Variants in RIT2 observed in about 807,000 individuals in gnomAD.
The protein encoded by RIT2 is Ras like without CAAX 2.
A neutral mutation model predicts 23.7 loss-of-function variants in RIT2; 24 were observed. The observed-to-expected ratio is 1.01, with a 90% CI of 0.73 to 1.43. RIT2 has a LOEUF of 1.43. RIT2 is among the 40% of genes most tolerant of loss of function. The pLI, the probability that RIT2 is intolerant of heterozygous loss-of-function variation, is 0.00. For synonymous variants in RIT2, 107 were observed against 91.1 expected, an observed-to-expected ratio of 1.17 and a Z score of -0.99; for missense variants, 236 against 266.9, an observed-to-expected ratio of 0.88 and a Z score of 0.81.
chr18:42,783,718 C>T (rs191386541), intron 4 of RIT2, among the ~76,000 whole-genome samples: 3 of 151,974 alleles, frequency 2.0e-5, no homozygotes, highest in Non-Finnish European at 2.9e-5. Flanking sequence ...TTTAATAGCT[C>T]ATTTTCCCTG....
intron 1 of RIT2, among the ~76,000 whole-genome samples, chr18:43,089,802 T>G (rs142301881): frequency 0.011 from 1,729 of 152,136 alleles, 38 homozygotes; most frequent in African/African-American, 0.038. Flanking sequence ...GATTCCCTAC[T>G]CAATAAATAA....
chr18:42,967,624 C>T (rs1910266276), intron 3 of RIT2, among the ~76,000 whole-genome samples: 1 of 146,602 alleles, frequency 6.8e-6, no homozygotes. Flanking sequence ...ATCTGCTGAC[C>T]TCGTGATCCG....
At chr18:42,922,285 T>A (rs917118883) in intron 4 of RIT2, among the ~76,000 whole-genome samples, 2 of 152,138 alleles carry the variant, frequency 1.3e-5, no homozygotes, top group African/African-American at 4.8e-5. Context: ...ATATTTATAA[T>A]ACCCTTAAGA....
chr18:43,032,035 T>C (rs1010054262), intron 2 of RIT2, among the ~76,000 whole-genome samples: 1 of 152,086 alleles, frequency 6.6e-6, no homozygotes, highest in Non-Finnish European at 1.5e-5. Context: ...AATATTCCCA[T>C]TAGAAAGGCC....
At chr18:43,067,792 T>A (rs190963193) in intron 1 of RIT2, among the ~76,000 whole-genome samples, 12 of 152,192 alleles carry the variant, frequency 7.9e-5, no homozygotes, top group Non-Finnish European at 1.6e-4. Flanking sequence ...GAGGAAGGCA[T>A]AATGAGGTAT....
At chr18:42,881,779 C>T (rs772580830) in intron 4 of RIT2, among the ~76,000 whole-genome samples, 3 of 152,072 alleles carry the variant, frequency 2.0e-5, no homozygotes, top group Admixed American at 6.6e-5. Context: ...CAACATTATG[C>T]TCATTATGGC....
intron 3 of RIT2, among the ~76,000 whole-genome samples, chr18:42,953,414 G>C (rs888483101): frequency 6.6e-6 from 1 of 152,134 alleles, no homozygotes; most frequent in African/African-American, 2.4e-5. Context: ...CTAAAAGTGA[G>C]TGATACAGAG....
At chr18:42,744,358 A>G (rs1912870486) in intron 4 of RIT2, among the ~76,000 whole-genome samples, 1 of 152,224 alleles carries the variant, frequency 6.6e-6, no homozygotes, top group African/African-American at 2.4e-5. Flanking sequence ...TTGTTTTAAG[A>G]GAGAATCCTA....
chr18:42,961,462 C>A (rs1251070467), intron 3 of RIT2, among the ~76,000 whole-genome samples: 2 of 152,176 alleles, frequency 1.3e-5, no homozygotes, highest in Non-Finnish European at 2.9e-5. Context: ...CAAGACTCAG[C>A]TAGAGCTATT....
intron 1 of RIT2, among the ~76,000 whole-genome samples, chr18:43,038,292 A>G (rs1912036950): frequency 6.8e-6 from 1 of 146,382 alleles, no homozygotes; most frequent in Non-Finnish European, 1.5e-5. Flanking sequence ...TTTAATTTCT[A>G]GAACTTTTTA....
chr18:43,032,363 A>C (rs1433581958), intron 2 of RIT2, among the ~76,000 whole-genome samples: 1 of 152,086 alleles, frequency 6.6e-6, no homozygotes. Flanking sequence ...TGAGACACCA[A>C]TACATACAAA....
chr18:42,951,889 T>C lies in RIT2; in HGVS notation c.234+22185A>G, dbSNP rs9948173. Among the ~76,000 whole-genome samples the C allele has an allele frequency of 9.1e-3, 1,378 of 152,260 alleles. 39 individuals carry two copies. Among genetic ancestry groups the C allele is most frequent in the African/African-American group, 0.031 (1,308 of 41,564 alleles). On this transcript the variant is annotated intron_variant, in intron 3 of 4. Transcript: ENST00000326695. ...TAATTTATAAAGGAAAGAGGTTTAA[T>C]TGACTCACAGTTCCGCATGGCTAAG...
At chr18:42,764,969 C>T (rs543385126) in intron 4 of RIT2, among the ~76,000 whole-genome samples, 230 of 152,302 alleles carry the variant, frequency 1.5e-3, no homozygotes, top group African/African-American at 5.4e-3. Context: ...GTCACTGTGG[C>T]TTATTGAAGC....
intron 2 of RIT2, among the ~76,000 whole-genome samples, chr18:42,984,734 AT>A (rs1413966853): frequency 6.6e-6 from 1 of 152,060 alleles, no homozygotes; most frequent in Non-Finnish European, 1.5e-5. Context: ...AAAACTCCAA[AT>A]TTCAAAAAGC....
intron 4 of RIT2, among the ~76,000 whole-genome samples, chr18:42,918,863 A>T (rs954886449): frequency 8.5e-5 from 13 of 152,072 alleles, no homozygotes; most frequent in Non-Finnish European, 1.5e-4. Flanking sequence ...AACCGTCACC[A>T]TTCACCTTAT....
At chr18:43,028,006 A>G (rs66580753) in intron 2 of RIT2, among the ~76,000 whole-genome samples, 24,080 of 152,124 alleles carry the variant, frequency 0.16, 2,179 homozygotes, top group East Asian at 0.42. Flanking sequence ...GAGGTCCTGT[A>G]TGAAATTCAG....
chr18:43,099,696 T>C (rs1359820476), intron 1 of RIT2, among the ~76,000 whole-genome samples: 2 of 152,156 alleles, frequency 1.3e-5, no homozygotes, highest in East Asian at 1.9e-4. Context: ...TCAAGAGCCA[T>C]GTATGCTCTC....
intron 4 of RIT2, among the ~76,000 whole-genome samples, chr18:42,846,699 T>A (rs1487472499): frequency 6.6e-6 from 1 of 152,038 alleles, no homozygotes; most frequent in Non-Finnish European, 1.5e-5. Context: ...AACAATTATA[T>A]CAATAGATGC....
At chr18:42,975,508 A>G (rs1216521947) in intron 2 of RIT2, among the ~76,000 whole-genome samples, 1 of 152,070 alleles carries the variant, frequency 6.6e-6, no homozygotes, top group East Asian at 1.9e-4. Flanking sequence ...CTTTATATAC[A>G]CAGCCAGGAC....
Sources: allele counts gnomAD v4.1 joint callset (sites outside exome capture counted in the v4.1 genomes callset), GRCh38; gene constraint gnomAD v4.1.1; transcripts MANE v1.5; gene names NCBI Gene and HGNC (gene_info 2026-07-23, HGNC 2026-07-21).